Variants in FSHR observed in about 807,000 individuals in gnomAD.
The protein encoded by FSHR is follicle-stimulating hormone receptor.
In FSHR, 46 loss-of-function variants were observed where a neutral mutation model predicts 52.1. That is an observed-to-expected ratio of 0.88 (90% confidence interval 0.70 to 1.13). The LOEUF (loss-of-function observed/expected upper bound fraction) is 1.13, where lower values mean the gene tolerates loss of function less well. FSHR is among the 50% of genes most tolerant of loss of function. FSHR has a pLI of 0.00. For synonymous variants in FSHR, 399 were observed against 309.6 expected (o/e 1.29, Z -3.03); for missense variants, 964 against 834.6 (o/e 1.16, Z -1.91).
intron 1 of FSHR, among the ~76,000 whole-genome samples, chr2:49,113,778 G>T (rs1287371475): frequency 3.9e-5 from 6 of 152,262 alleles, no homozygotes; most frequent in African/African-American, 9.6e-5. Flanking sequence ...CACTTGTGGG[G>T]AGGTCTTGGC....
chr2:48,964,512 G>C (rs1165768600), intron 9 of FSHR, among the ~76,000 whole-genome samples: 1 of 152,156 alleles, frequency 6.6e-6, no homozygotes, highest in Non-Finnish European at 1.5e-5. Flanking sequence ...CTATTAGGAG[G>C]CCAGCTAATT....
At chr2:49,082,739 G>T (rs1679718869) in intron 1 of FSHR, among the ~76,000 whole-genome samples, 1 of 152,120 alleles carries the variant, frequency 6.6e-6, no homozygotes, top group African/African-American at 2.4e-5. Context: ...GGAAGAAAGG[G>T]TATCAGCGAT....
chr2:49,014,815 T>C, intron 4 of FSHR: 1 of 442,532 alleles, frequency 2.3e-6, no homozygotes, highest in Non-Finnish European at 4.6e-6. Context: ...ATTAGCCATA[T>C]GTGATAGTTT....
chr2:49,116,042 T>A (rs904466894), intron 1 of FSHR, among the ~76,000 whole-genome samples: 2 of 152,142 alleles, frequency 1.3e-5, no homozygotes, highest in Non-Finnish European at 2.9e-5. Flanking sequence ...GCGAGGAGAC[T>A]ATTTTGGGTA....
chr2:49,066,086 A>G (rs1248347982), intron 2 of FSHR, among the ~76,000 whole-genome samples: 1 of 152,180 alleles, frequency 6.6e-6, no homozygotes, highest in Non-Finnish European at 1.5e-5. Context: ...TGGGCAGGCT[A>G]AGAAGCGATT....
At chr2:49,117,275 G>A (rs1173576779) in intron 1 of FSHR, among the ~76,000 whole-genome samples, 1 of 152,126 alleles carries the variant, frequency 6.6e-6, no homozygotes, top group Non-Finnish European at 1.5e-5. Context: ...TCCTTGCCCT[G>A]ACTGCCACAC....
intron 1 of FSHR, among the ~76,000 whole-genome samples, chr2:49,100,455 T>G (rs1670984526): frequency 6.6e-6 from 1 of 152,212 alleles, no homozygotes; most frequent in Admixed American, 6.5e-5. Context: ...GATGGCCATG[T>G]GAGACATTTC....
intron 1 of FSHR, among the ~76,000 whole-genome samples, chr2:49,095,416 T>C (rs567473028): frequency 3.3e-5 from 5 of 152,254 alleles, no homozygotes; most frequent in African/African-American, 1.2e-4. Context: ...GACAACTAAA[T>C]AGGCACATTC....
chr2:49,027,344 A>C (rs1209200451), intron 2 of FSHR, among the ~76,000 whole-genome samples: 2 of 152,178 alleles, frequency 1.3e-5, no homozygotes, highest in Non-Finnish European at 2.9e-5. Flanking sequence ...TGTACCAATT[A>C]TTTACTTAAT....
intron 1 of FSHR, among the ~76,000 whole-genome samples, chr2:49,071,426 A>C (rs186368690): frequency 2.6e-5 from 4 of 152,314 alleles, no homozygotes; most frequent in Non-Finnish European, 5.9e-5. Flanking sequence ...TCTATAATGT[A>C]GAAAATCATT....
At chr2:49,073,279 G>T (rs1669817499) in intron 1 of FSHR, among the ~76,000 whole-genome samples, 1 of 152,026 alleles carries the variant, frequency 6.6e-6, no homozygotes, top group Non-Finnish European at 1.5e-5. Context: ...GTTCCTACTT[G>T]CAGATTACAT....
intron 2 of FSHR, among the ~76,000 whole-genome samples, chr2:49,042,669 CT>C (rs1668517511): frequency 1.3e-5 from 2 of 152,084 alleles, no homozygotes; most frequent in South Asian, 2.1e-4. Flanking sequence ...CAGCAATTTC[CT>C]TTTTTCATGA....
chr2:49,016,611 C>G (rs1273994905), intron 4 of FSHR, among the ~76,000 whole-genome samples: 1 of 152,140 alleles, frequency 6.6e-6, no homozygotes, highest in African/African-American at 2.4e-5. Context: ...TATAAATGAA[C>G]TTAGCTGAGG....
Position 49,093,640 on chromosome 2 carries a change from G to T in FSHR, c.153-25350C>A, listed in dbSNP as rs188478584. Among the ~76,000 whole-genome samples, 1,035 of 146,852 alleles carry T rather than the reference G, an allele frequency of 7.0e-3. 15 individuals are homozygous for T. The highest frequency in any genetic ancestry group is 0.024 in the African/African-American group (965 of 39,820). Reference sequence around the variant, plus strand: ...GACGGAGTCTTGCTCTGTCTCCCAGGCTGGAGTTCATTGGTACGATCGCAG... The same window carrying T: ...GACGGAGTCTTGCTCTGTCTCCCAGTCTGGAGTTCATTGGTACGATCGCAG... On this transcript the variant is annotated intron_variant, in intron 1 of 9. Transcript: ENST00000406846.
chr2:48,979,822 T>G (rs1415348025), intron 8 of FSHR, among the ~76,000 whole-genome samples: 1 of 152,112 alleles, frequency 6.6e-6, no homozygotes, highest in Non-Finnish European at 1.5e-5. Context: ...TGTGTGTGTG[T>G]GTGTGTGTGG....
chr2:49,140,500 G>A (rs1672643331), intron 1 of FSHR, among the ~76,000 whole-genome samples: 1 of 152,056 alleles, frequency 6.6e-6, no homozygotes, highest in African/African-American at 2.4e-5. Context: ...AAATTACCCA[G>A]TCTCAGGTAT....
At chr2:49,001,294 A>G (rs1666872176) in intron 4 of FSHR, among the ~76,000 whole-genome samples, 1 of 152,182 alleles carries the variant, frequency 6.6e-6, no homozygotes, top group Non-Finnish European at 1.5e-5. Flanking sequence ...ACTGAGGCTT[A>G]GAGAGTTCAA....
intron 4 of FSHR, among the ~76,000 whole-genome samples, chr2:49,009,556 C>A (rs1667196987): frequency 1.4e-5 from 2 of 138,376 alleles, no homozygotes; most frequent in African/African-American, 2.6e-5. Flanking sequence ...TTTTCCAATT[C>A]TGTGAAGAAA....
At chr2:49,004,873 G>C (rs149725179) in intron 4 of FSHR, among the ~76,000 whole-genome samples, 2 of 152,220 alleles carry the variant, frequency 1.3e-5, no homozygotes, top group African/African-American at 4.8e-5. Context: ...TACCTTGTAA[G>C]AAGGCATATC....
Sources: allele counts gnomAD v4.1 joint callset (sites outside exome capture counted in the v4.1 genomes callset), GRCh38; gene constraint gnomAD v4.1.1; transcripts MANE v1.5; gene names NCBI Gene and HGNC (gene_info 2026-07-23, HGNC 2026-07-21).